The following AMMECR1 variants were observed in gnomAD, a reference collection of about 807,000 sequenced individuals.
The protein encoded by AMMECR1 is AMMECR nuclear protein 1, also known as nuclear protein AMMECR1.
In AMMECR1, 3 loss-of-function variants were observed where a neutral mutation model predicts 22.5. The ratio of observed to expected loss-of-function variants is 0.13; its 90% CI spans 0.06 to 0.35. The LOEUF (loss-of-function observed/expected upper bound fraction) is 0.35, where lower values mean the gene tolerates loss of function less well. Ranked by LOEUF, AMMECR1 falls within the 10% of genes least tolerant of loss-of-function variation. AMMECR1 has a pLI of 1.00. For missense variants in AMMECR1, 235 were observed against 278.7 expected (o/e 0.84, Z 1.12); for synonymous variants, 130 against 116.7 (o/e 1.11, Z -0.74).
chrX:110,401,765 C>G lies in AMMECR1; in HGVS notation c.-148+24893G>C, dbSNP rs772732551. On this transcript the variant is annotated intron_variant, in intron 2 of 7. Transcript: ENST00000372057. ...ATTTCCCACAGTTAATCTCAGTGAG[C>G]CTTCGTTTCCTCCCCTGTAAAATGG... Among the ~76,000 whole-genome samples the G allele has an allele frequency of 9.8e-5, 11 of 112,085 alleles. No individual in the cohort carries two copies. The South Asian group carries it at 4.1e-3, about 42-fold the overall frequency.
intron 2 of AMMECR1, among the ~76,000 whole-genome samples, chrX:110,217,036 ATGTGTGTGTATATG>A (rs1662617988): frequency 9.1e-6 from 1 of 109,815 alleles, no homozygotes; most frequent in African/African-American, 3.3e-5. Flanking sequence ...TTATATATAT[ATGTGTGTGTATATG>A]TGTGTGTGTA....
At chrX:110,258,608 A>G (rs1250518218) in intron 2 of AMMECR1, among the ~76,000 whole-genome samples, 1 of 112,234 alleles carries the variant, frequency 8.9e-6, no homozygotes, top group Non-Finnish European at 1.9e-5. Context: ...GTTGTAAATT[A>G]AACTAATTAA....
chrX:110,331,710 T>A (rs1232342305), intron 2 of AMMECR1, among the ~76,000 whole-genome samples: 1 of 111,333 alleles, frequency 9.0e-6, no homozygotes, highest in Non-Finnish European at 1.9e-5. Context: ...TAATTTCTCA[T>A]CGTCTATAAG....
At chrX:110,286,444 C>T (rs916680407) in intron 1 of AMMECR1, among the ~76,000 whole-genome samples, 2 of 109,859 alleles carry the variant, frequency 1.8e-5, no homozygotes, top group African/African-American at 6.7e-5. Flanking sequence ...CCCAGGCAGC[C>T]GGATCACTTG....
At chrX:110,258,594 G>A (rs1465733739) in intron 2 of AMMECR1, among the ~76,000 whole-genome samples, 2 of 112,210 alleles carry the variant, frequency 1.8e-5, no homozygotes, top group African/African-American at 6.5e-5. Flanking sequence ...GGCAAAAAAT[G>A]TAGGTTGTAA....
intron 2 of AMMECR1, among the ~76,000 whole-genome samples, chrX:110,228,279 A>T (rs1352100750): frequency 9.0e-6 from 1 of 111,610 alleles, no homozygotes; most frequent in African/African-American, 3.3e-5. Flanking sequence ...CTAATACTAC[A>T]TTATATTAGA....
chrX:110,293,211 G>C, intron 1 of AMMECR1, among the ~76,000 whole-genome samples: 1 of 111,897 alleles, frequency 8.9e-6, no homozygotes, highest in East Asian at 2.8e-4. Context: ...AGAGCACCTA[G>C]GTAGCTGGGC....
At chrX:110,350,108 T>A (rs909273735) in intron 2 of AMMECR1, among the ~76,000 whole-genome samples, 2 of 112,311 alleles carry the variant, frequency 1.8e-5, no homozygotes, top group Non-Finnish European at 3.8e-5. Flanking sequence ...AACACTTCCA[T>A]CTGAAGTGAA....
intron 2 of AMMECR1, among the ~76,000 whole-genome samples, chrX:110,229,699 G>A (rs1385634465): frequency 8.9e-6 from 1 of 112,103 alleles, no homozygotes; most frequent in Non-Finnish European, 1.9e-5. Flanking sequence ...AAGCAGGGCG[G>A]GGCGTTGACT....
chrX:110,377,780 C>G (rs1031042771), intron 2 of AMMECR1, among the ~76,000 whole-genome samples: 1 of 109,964 alleles, frequency 9.1e-6, no homozygotes, highest in African/African-American at 3.3e-5. Context: ...GAGGCCGAGG[C>G]GGGCGGATCA....
chrX:110,223,240 C>T lies in AMMECR1; in HGVS notation c.585-6608G>A, dbSNP rs774909639. ...CTACAAAATGTCTACATAATGCTTT[C>T]TCTGCAGAGTTTCTAGATTTACTCT... is the stretch of plus-strand genomic sequence containing the variant. On this transcript the variant is annotated intron_variant, in intron 2 of 5. Coordinates refer to ENST00000262844, the MANE Select transcript of AMMECR1 (RefSeq NM_015365.3). Among the ~76,000 whole-genome samples the T allele has an allele frequency of 4.4e-5, 5 of 112,638 alleles. No homozygotes were observed. The South Asian group carries it at 1.8e-3, about 41-fold the overall frequency.
intron 2 of AMMECR1, chrX:110,418,976 C>T (rs1180477992): frequency 1.8e-5 from 2 of 109,749 alleles, no homozygotes; most frequent in Non-Finnish European, 3.8e-5. Context: ...CTATGACTCA[C>T]CAACAAAAAC....
intron 2 of AMMECR1, among the ~76,000 whole-genome samples, chrX:110,231,523 C>T (rs1053374226): frequency 3.6e-5 from 4 of 111,068 alleles, no homozygotes; most frequent in African/African-American, 1.3e-4. Flanking sequence ...AAGCACTAAA[C>T]GTGGAAAGAA....
At chrX:110,432,197 G>A (rs891109459) in intron 1 of AMMECR1, among the ~76,000 whole-genome samples, 5 of 112,293 alleles carry the variant, frequency 4.5e-5, no homozygotes, top group African/African-American at 1.6e-4. Context: ...CTTGCCAGGA[G>A]AGCACATCTG....
chrX:110,344,936 G>A (rs1261436532), intron 2 of AMMECR1, among the ~76,000 whole-genome samples: 1 of 112,321 alleles, frequency 8.9e-6, no homozygotes, highest in East Asian at 2.8e-4. Flanking sequence ...AGACACTGTG[G>A]CAATTCCTCA....
At chrX:110,273,130 C>T (rs1017875322) in intron 1 of AMMECR1, among the ~76,000 whole-genome samples, 1 of 112,278 alleles carries the variant, frequency 8.9e-6, no homozygotes, top group Admixed American at 9.4e-5. Flanking sequence ...TACCCTCCAA[C>T]AATGTATAAG....
intron 2 of AMMECR1, among the ~76,000 whole-genome samples, chrX:110,344,721 G>T (rs2068181010): frequency 9.0e-6 from 1 of 111,663 alleles, no homozygotes; most frequent in African/African-American, 3.3e-5. Context: ...AGACATTTAT[G>T]CAGCCAACAG....
At chrX:110,236,149 A>T (rs1021666206) in intron 2 of AMMECR1, among the ~76,000 whole-genome samples, 4 of 112,152 alleles carry the variant, frequency 3.6e-5, no homozygotes, top group African/African-American at 6.5e-5. Context: ...ATGATTACTG[A>T]TATGAGGGCA....
rs538923561 is a variant in AMMECR1 at position 110,409,423 on chromosome X, G to A, written c.-148+17235C>T. On this transcript the variant is annotated intron_variant, in intron 2 of 7. Coordinates refer to the AMMECR1 transcript ENST00000372057. Reference sequence around the variant, plus strand: ...TTCTCACTTGCTGGTATCAATCGTAGGGGCCCAAAGACCTCACTACCTAAA... The same window carrying A: ...TTCTCACTTGCTGGTATCAATCGTAAGGGCCCAAAGACCTCACTACCTAAA... Among the ~76,000 whole-genome samples the A allele has an allele frequency of 1.1e-4, 12 of 111,618 alleles. No homozygotes were observed. The South Asian group carries it at 4.6e-3, about 43-fold the overall frequency.
Sources: allele counts gnomAD v4.1 joint callset (sites outside exome capture counted in the v4.1 genomes callset), GRCh38; gene constraint gnomAD v4.1.1; transcripts MANE v1.5; gene names NCBI Gene and HGNC (gene_info 2026-07-23, HGNC 2026-07-21).